The following MGAT4C variants were observed in gnomAD, a reference collection of about 807,000 sequenced individuals.
The protein encoded by MGAT4C is alpha-1,3-mannosyl-glycoprotein 4-beta-N-acetylglucosaminyltransferase C.
MGAT4C carries 19 observed loss-of-function variants against 40.1 expected under a neutral mutation model. That is an observed-to-expected ratio of 0.47 (90% CI 0.33 to 0.70). The LOEUF is 0.70. Ranked by LOEUF, MGAT4C falls within the 30% of genes least tolerant of loss-of-function variation. The probability of loss-of-function intolerance (pLI) is 0.02; values close to 1 mark genes in which losing one functional copy is unlikely to be tolerated. For synonymous variants in MGAT4C, 181 were observed against 187.1 expected (o/e 0.97, Z 0.27); for missense variants, 491 against 563.2 (o/e 0.87, Z 1.30).
At chr12:86,071,315 C>T (rs1388661989) in intron 1 of MGAT4C, among the ~76,000 whole-genome samples, 2 of 151,958 alleles carry the variant, frequency 1.3e-5, no homozygotes, top group Admixed American at 6.6e-5. Flanking sequence ...GTACTAGAAA[C>T]CAAATCCAGA....
intron 1 of MGAT4C, among the ~76,000 whole-genome samples, chr12:86,771,174 C>T (rs1951627990): frequency 6.6e-6 from 1 of 152,098 alleles, no homozygotes; most frequent in Non-Finnish European, 1.5e-5. Context: ...TCATGGGCCT[C>T]TGAATAAACC....
In MGAT4C at chr12:85,991,299, A is replaced by G. The variant is rs528598304; in HGVS notation, c.-6-1747T>C. 2.4e-4 allele frequency among the ~76,000 whole-genome samples: 37 copies of G among 152,164 alleles called. 1 individual carries two copies. In the East Asian group the frequency reaches 6.6e-3, roughly 27 times the overall value. ...TGCTCTGGCTGAACACGGGGCTTTT[A>G]TGGGCCTCAGAGAGGAGGAAGCGCA... On this transcript the variant is annotated intron_variant, in intron 2 of 4. Transcript: ENST00000611864.
At chr12:86,103,436 C>A (rs1477642950) in intron 1 of MGAT4C, among the ~76,000 whole-genome samples, 5 of 152,034 alleles carry the variant, frequency 3.3e-5, no homozygotes, top group South Asian at 2.1e-4. Flanking sequence ...GACTACAGAG[C>A]CAGAGACTAG....
intron 3 of MGAT4C, among the ~76,000 whole-genome samples, chr12:86,403,718 A>C (rs1956412999): frequency 1.3e-5 from 2 of 152,154 alleles, no homozygotes; most frequent in African/African-American, 2.4e-5. Context: ...AGGAAGACTA[A>C]AATCTCTCAA....
At chr12:86,814,313 C>A (rs376194467) in intron 1 of MGAT4C, among the ~76,000 whole-genome samples, 2 of 1,554 alleles carry the variant, frequency 1.3e-3, no homozygotes, top group Non-Finnish European at 2.0e-3. Context: ...TATATATATA[C>A]GTATATATAC....
intron 3 of MGAT4C, among the ~76,000 whole-genome samples, chr12:86,406,877 G>T (rs1956484933): frequency 6.6e-6 from 1 of 152,084 alleles, no homozygotes; most frequent in South Asian, 2.1e-4. Flanking sequence ...GACCCCAACT[G>T]GGTATCTTCC....
At chr12:86,346,930 G>A (rs1955047127) in intron 3 of MGAT4C, among the ~76,000 whole-genome samples, 1 of 152,162 alleles carries the variant, frequency 6.6e-6, no homozygotes, top group Non-Finnish European at 1.5e-5. Context: ...CTCCCATACT[G>A]GATGCTTCCT....
At position 85,997,085 on chromosome 12, in the gene MGAT4C, T is replaced by C. The variant is rs1886712680; in HGVS notation, c.-6-7533A>G. ...GGTTTAATGGACTTACAGTTCCACA[T>C]GGCTGAGGAGGCCTCACAATCATGG... is the stretch of plus-strand genomic sequence containing the variant. On this transcript the variant is annotated intron_variant, in intron 2 of 4. Coordinates refer to ENST00000611864, the MANE Select transcript of MGAT4C (RefSeq NM_001351288.2). Among the ~76,000 whole-genome samples, 3 of 152,220 alleles carry C rather than the reference T, an allele frequency of 2.0e-5. No individual in the cohort carries two copies. In the South Asian group the frequency reaches 6.2e-4, roughly 31 times the overall value.
intron 2 of MGAT4C, among the ~76,000 whole-genome samples, chr12:86,514,729 G>C (rs1052523927): frequency 5.3e-5 from 8 of 152,244 alleles, no homozygotes; most frequent in African/African-American, 1.9e-4. Context: ...AATTCTATCT[G>C]TATCTTTAAC....
rs1883735668 is a variant in MGAT4C, at chr12:85,973,494, T to A, written c.*5795A>T. On this transcript the variant is annotated 3_prime_UTR_variant, in exon 5 of 5. Transcript: ENST00000611864. ...ACCTTTAAACAACTCTTAAATAAAG[T>A]AATGATTCTCTTTATATTAAATTTA... 6.6e-6 allele frequency: 1 copy of A among 150,812 alleles called. No homozygotes were observed. Among genetic ancestry groups the A allele is most frequent in the Admixed American group, 6.6e-5 (1 of 15,078 alleles). The allele number at this position is 150,812 out of a possible 1,614,324, so 9.3% of individuals were successfully genotyped here.
At chr12:86,294,435 T>C (rs1181043088) in intron 4 of MGAT4C, among the ~76,000 whole-genome samples, 3 of 152,176 alleles carry the variant, frequency 2.0e-5, no homozygotes, top group Non-Finnish European at 4.4e-5. Context: ...AAATTTATTA[T>C]CTTCCTGTCT....
At chr12:86,401,235 C>T (rs1956355859) in intron 3 of MGAT4C, among the ~76,000 whole-genome samples, 1 of 150,210 alleles carries the variant, frequency 6.7e-6, no homozygotes, top group African/African-American at 2.4e-5. Flanking sequence ...TTATTCCATA[C>T]TAAAGTTGTA....
chr12:86,237,538 T>C (rs1172007217), intron 1 of MGAT4C, among the ~76,000 whole-genome samples: 1 of 151,968 alleles, frequency 6.6e-6, no homozygotes, highest in African/African-American at 2.4e-5. Context: ...TTAAAATCTT[T>C]TATTTAATCA....
chr12:86,264,998 T>C (rs1222474163), intron 4 of MGAT4C, among the ~76,000 whole-genome samples: 2 of 152,222 alleles, frequency 1.3e-5, no homozygotes, highest in South Asian at 2.1e-4. Context: ...TTCTGGGCGC[T>C]ACTGCGTTCC....
At chr12:86,480,217 A>G (rs1050076830) in intron 2 of MGAT4C, among the ~76,000 whole-genome samples, 1 of 151,822 alleles carries the variant, frequency 6.6e-6, no homozygotes, top group Non-Finnish European at 1.5e-5. Flanking sequence ...AGAACATGTA[A>G]GTGTTCTTTC....
chr12:86,416,668 G>A (rs1416948648), intron 3 of MGAT4C, among the ~76,000 whole-genome samples: 2 of 152,088 alleles, frequency 1.3e-5, no homozygotes, highest in Non-Finnish European at 2.9e-5. Context: ...GATCTCATGG[G>A]TTTTGGATGA....
At chr12:86,319,112 A>G (rs1448277825) in intron 4 of MGAT4C, among the ~76,000 whole-genome samples, 1 of 152,166 alleles carries the variant, frequency 6.6e-6, no homozygotes, top group African/African-American at 2.4e-5. Context: ...CAGACCACAG[A>G]TAACTACCTA....
At chr12:86,179,309 C>G (rs1887852249) in intron 1 of MGAT4C, among the ~76,000 whole-genome samples, 1 of 152,138 alleles carries the variant, frequency 6.6e-6, no homozygotes, top group Non-Finnish European at 1.5e-5. Context: ...AATTAAACTT[C>G]TTTTGGTTCC....
At chr12:86,236,162 C>A (rs1017120635) in intron 1 of MGAT4C, among the ~76,000 whole-genome samples, 2 of 151,902 alleles carry the variant, frequency 1.3e-5, no homozygotes, top group Non-Finnish European at 2.9e-5. Flanking sequence ...AATGAAAGTA[C>A]AAGAAAATAA....
Sources: gnomAD v4.1 joint callset for allele counts (sites outside exome capture counted in the v4.1 genomes callset) on GRCh38, gnomAD v4.1.1 for gene constraint, MANE v1.5 for transcripts, NCBI Gene and HGNC (gene_info 2026-07-23, HGNC 2026-07-21) for gene names.